Variants in DOCK1 observed in about 807,000 individuals in gnomAD.
The protein encoded by DOCK1 is dedicator of cytokinesis 1.
A neutral mutation model predicts 262.7 loss-of-function variants in DOCK1; 138 were observed. That is an observed-to-expected ratio of 0.53 (90% confidence interval 0.46 to 0.61). The LOEUF is 0.61. Ranked by LOEUF, DOCK1 falls within the 20% of genes least tolerant of loss-of-function variation. DOCK1 has a pLI of 0.00. For synonymous variants in DOCK1, 866 were observed against 867.4 expected, an observed-to-expected ratio of 1.00 and a Z score of 0.03; for missense variants, 1,908 against 2,370.7, an observed-to-expected ratio of 0.80 and a Z score of 4.05.
intron 1 of DOCK1, among the ~76,000 whole-genome samples, chr10:126,923,717 C>A (rs544946131): frequency 3.9e-5 from 6 of 152,338 alleles, no homozygotes; most frequent in Admixed American, 2.0e-4. Flanking sequence ...TCTCCATGTG[C>A]GATGGTCCGT....
At chr10:127,324,570 G>A (rs2062677462) in intron 29 of DOCK1, among the ~76,000 whole-genome samples, 1 of 152,016 alleles carries the variant, frequency 6.6e-6, no homozygotes, top group East Asian at 1.9e-4. Context: ...GCCTCTCTTG[G>A]GGGAGAGCCC....
chr10:127,289,544 G>A (rs1231170446), intron 29 of DOCK1, among the ~76,000 whole-genome samples: 1 of 152,138 alleles, frequency 6.6e-6, no homozygotes, highest in Admixed American at 6.5e-5. Context: ...TCAATTGAAT[G>A]CCATAAGGTT....
chr10:127,322,187 C>CTT (rs201505491), intron 29 of DOCK1, among the ~76,000 whole-genome samples: 11 of 146,070 alleles, frequency 7.5e-5, no homozygotes, highest in African/African-American at 2.0e-4. Context: ...TATAATTTCC[C>CTT]TTTTTTTTTT....
chr10:126,931,015 C>T (rs1051029066), intron 1 of DOCK1, among the ~76,000 whole-genome samples: 2 of 152,148 alleles, frequency 1.3e-5, no homozygotes, highest in African/African-American at 4.8e-5. Context: ...ATCAGATTCC[C>T]TGCGTCGAGG....
chr10:127,194,163 T>C (rs2056939267), intron 27 of DOCK1, among the ~76,000 whole-genome samples: 1 of 152,248 alleles, frequency 6.6e-6, no homozygotes, highest in Non-Finnish European at 1.5e-5. Flanking sequence ...ATGAATTTAG[T>C]GAAGAAAACA....
At chr10:126,946,744 A>G (rs2035441101) in intron 1 of DOCK1, among the ~76,000 whole-genome samples, 1 of 152,166 alleles carries the variant, frequency 6.6e-6, no homozygotes, top group Admixed American at 6.6e-5. Flanking sequence ...GCACACGTCA[A>G]CACTTCCTTG....
intron 30 of DOCK1, among the ~76,000 whole-genome samples, chr10:127,340,188 C>A (rs2063370503): frequency 6.6e-6 from 1 of 152,074 alleles, no homozygotes; most frequent in African/African-American, 2.4e-5. Context: ...TTATCATTTT[C>A]TCTGCTGAAT....
chr10:127,309,466 TG>T (rs2061987278), intron 29 of DOCK1, among the ~76,000 whole-genome samples: 1 of 151,740 alleles, frequency 6.6e-6, no homozygotes, highest in African/African-American at 2.4e-5. Context: ...GTCAATTTTT[TG>T]CTTTTGTTGC....
intron 22 of DOCK1, among the ~76,000 whole-genome samples, chr10:127,055,495 G>A (rs1197522871): frequency 1.3e-5 from 2 of 152,212 alleles, no homozygotes; most frequent in Non-Finnish European, 2.9e-5. Context: ...CTGCAAGGAA[G>A]CTGGAAAGGA....
intron 1 of DOCK1, among the ~76,000 whole-genome samples, chr10:126,918,510 A>G (rs1012264830): frequency 1.3e-5 from 2 of 152,182 alleles, no homozygotes; most frequent in African/African-American, 4.8e-5. Context: ...TGGGCAGGAT[A>G]ATTTTTCACC....
intron 1 of DOCK1, among the ~76,000 whole-genome samples, chr10:126,944,507 AG>A (rs1364828816): frequency 2.0e-5 from 3 of 152,014 alleles, no homozygotes; most frequent in African/African-American, 2.4e-5. Flanking sequence ...CCTGTGTGGG[AG>A]GGTTTGGAAA....
chr10:126,966,214 A>G (rs1422768545), intron 1 of DOCK1, among the ~76,000 whole-genome samples: 1 of 152,140 alleles, frequency 6.6e-6, no homozygotes, highest in Non-Finnish European at 1.5e-5. Flanking sequence ...AAATGGCTGA[A>G]TTGTATTCCA....
chr10:127,285,558 C>A (rs559954459), intron 29 of DOCK1, among the ~76,000 whole-genome samples: 3 of 152,348 alleles, frequency 2.0e-5, no homozygotes, highest in African/African-American at 7.2e-5. Flanking sequence ...TGCACCTTCA[C>A]TCTGGAGGTG....
At chr10:127,440,027 C>T (rs1052784511) in intron 49 of DOCK1, among the ~76,000 whole-genome samples, 3 of 152,020 alleles carry the variant, frequency 2.0e-5, no homozygotes, top group South Asian at 4.1e-4. Flanking sequence ...TGATTTGGCT[C>T]ATGGTTCTGC....
At chr10:127,267,790 T>C (rs1029974841) in intron 29 of DOCK1, among the ~76,000 whole-genome samples, 1 of 152,110 alleles carries the variant, frequency 6.6e-6, no homozygotes, top group African/African-American at 2.4e-5. Flanking sequence ...TTTATTATGA[T>C]CCTCCTCCCG....
At position 127,110,495 on chromosome 10, in the gene DOCK1, A is replaced by G. The variant is rs967277587; in HGVS notation, c.2623+141A>G. On this transcript the variant is annotated intron_variant, in intron 25 of 51. Transcript: ENST00000623213. ...GCTGTATTACAAGACAGGAAGATTT[A>G]GCCCTTACAAGAGAAGGGTAATTGA... is the stretch of plus-strand genomic sequence containing the variant. 108 of 720,922 alleles carry G rather than the reference A, an allele frequency of 1.5e-4. No homozygotes were observed. In the East Asian group the frequency reaches 2.8e-3, roughly 19 times the overall value. 44.7% of individuals were successfully genotyped at this position (720,922 alleles called of 1,614,324 possible).
intron 27 of DOCK1, among the ~76,000 whole-genome samples, chr10:127,130,227 G>A (rs1280205346): frequency 6.6e-6 from 1 of 151,872 alleles, no homozygotes; most frequent in African/African-American, 2.4e-5. Flanking sequence ...GGGATTACAG[G>A]TGCACATCAC....
intron 23 of DOCK1, among the ~76,000 whole-genome samples, chr10:127,105,652 C>A (rs901430034): frequency 6.6e-6 from 1 of 152,146 alleles, no homozygotes; most frequent in Admixed American, 6.5e-5. Flanking sequence ...ACAGTATAGG[C>A]ACTTAGGCCA....
intron 25 of DOCK1, among the ~76,000 whole-genome samples, chr10:127,115,958 C>G (rs980757465): frequency 6.6e-6 from 1 of 152,162 alleles, no homozygotes; most frequent in African/African-American, 2.4e-5. Context: ...TTACTGTGTA[C>G]TTATCATTTT....
Sources: gnomAD v4.1 joint callset for allele counts (sites outside exome capture counted in the v4.1 genomes callset) on GRCh38, gnomAD v4.1.1 for gene constraint, MANE v1.5 for transcripts, NCBI Gene and HGNC (gene_info 2026-07-23, HGNC 2026-07-21) for gene names.